Variants in CFAP77 observed in about 807,000 individuals in gnomAD.
CFAP77 encodes the protein cilia and flagella associated protein 77, also known as cilia- and flagella-associated protein 77.
A neutral mutation model predicts 31.1 loss-of-function variants in CFAP77; 25 were observed. The ratio of observed to expected loss-of-function variants is 0.80; its 90% confidence interval spans 0.59 to 1.12. The LOEUF is 1.12. Ranked by LOEUF, CFAP77 falls within the 50% of genes most tolerant of loss-of-function variation. The pLI, the probability that CFAP77 is intolerant of heterozygous loss-of-function variation, is 0.00. For missense variants in CFAP77, 377 were observed against 397.3 expected (o/e 0.95, Z 0.44); for synonymous variants, 151 against 159.9 (o/e 0.94, Z 0.42).
chr9:132,529,650 C>T (rs1238806778), intron 3 of CFAP77, among the ~76,000 whole-genome samples: 4 of 151,632 alleles, frequency 2.6e-5, no homozygotes, highest in Non-Finnish European at 5.9e-5. Context: ...CACGGTGAAA[C>T]CCCGTCTCTA....
chr9:132,537,552 C>T lies in CFAP77; in HGVS notation c.525-49C>T, dbSNP rs373037326. ...GGGGCGGGCGGTGGGGAGCGGGTGC[C>T]TCTGGTCTTTCCGGGGCCTCAAGCT... On this transcript the variant is annotated intron_variant, in intron 3 of 5. Coordinates refer to ENST00000393216, the MANE Select transcript of CFAP77 (RefSeq NM_001282957.2). 198 of 1,458,286 alleles carry T rather than the reference C, an allele frequency of 1.4e-4. 1 individual carries two copies. The highest frequency in any genetic ancestry group is 1.7e-4 in the Non-Finnish European group (182 of 1,054,974). 90.3% of individuals were successfully genotyped at this position (1,458,286 alleles called of 1,614,324 possible).
chr9:132,423,028 C>T (rs149579646), intron 1 of CFAP77, among the ~76,000 whole-genome samples: 1 of 152,358 alleles, frequency 6.6e-6, no homozygotes, highest in African/African-American at 2.4e-5. Context: ...TCAAGGGAAC[C>T]TGCTGGAGCA....
chr9:132,520,815 C>T (rs1041486040), intron 3 of CFAP77, among the ~76,000 whole-genome samples: 2 of 152,194 alleles, frequency 1.3e-5, no homozygotes, highest in Non-Finnish European at 2.9e-5. Flanking sequence ...TCCCCAGACA[C>T]TGGCGCAGGG....
chr9:132,562,219 T>A (rs1371595105), intron 5 of CFAP77, among the ~76,000 whole-genome samples: 1 of 152,220 alleles, frequency 6.6e-6, no homozygotes, highest in African/African-American at 2.4e-5. Context: ...AGGCCCTCCC[T>A]CACCCCAGGT....
intron 1 of CFAP77, among the ~76,000 whole-genome samples, chr9:132,410,873 C>T (rs1463351342): frequency 6.6e-6 from 1 of 152,196 alleles, no homozygotes; most frequent in Non-Finnish European, 1.5e-5. Context: ...GTAAAGGCCG[C>T]CTCTCCGGTT....
At chr9:132,465,073 C>CAAAAAAAAAAAAAAAAAA (rs773917029) in intron 1 of CFAP77, among the ~76,000 whole-genome samples, 1 of 82,858 alleles carries the variant, frequency 1.2e-5, no homozygotes, top group African/African-American at 4.1e-5. Flanking sequence ...GACTCTGTCT[C>CAAAAAAAAAAAAAAAAAA]AAAAAAAAAA....
At chr9:132,562,057 G>A (rs1039258141) in intron 5 of CFAP77, among the ~76,000 whole-genome samples, 6 of 152,222 alleles carry the variant, frequency 3.9e-5, no homozygotes, top group African/African-American at 1.2e-4. Context: ...AGGGGCCATC[G>A]GGAAGTCACA....
Position 132,499,559 on chromosome 9 carries a change from G to T in CFAP77, c.483G>T (p.Pro161=), listed in dbSNP as rs149706600. ...ATGACCGGCGCATGAAGAAAGAGCC[G>T]CCCCCTCTCCCTCCAAACATGACAT... The part of the protein sequence containing the change: ...DQDDRRMKKE[P]PPLPPNMTFG... The change falls in exon 3 of 6, where the codon CCG becomes CCT. Residue 161 remains proline, a synonymous_variant. Coordinates refer to ENST00000393216, the MANE Select transcript of CFAP77 (RefSeq NM_001282957.2). The surrounding 1 kb of genome is among the most constrained non-coding windows in gnomAD (Gnocchi z 5.4). The T allele has an allele frequency of 6.8e-6, 11 of 1,614,194 alleles. No homozygotes were observed. In the East Asian group the frequency reaches 2.0e-4, roughly 29 times the overall value.
At chr9:132,429,616 G>A (rs1382413706) in intron 1 of CFAP77, among the ~76,000 whole-genome samples, 2 of 151,042 alleles carry the variant, frequency 1.3e-5, no homozygotes, top group African/African-American at 2.4e-5. Flanking sequence ...AGGCCAAGGC[G>A]GGTGGATCAC....
In CFAP77 at chr9:132,539,788, C is replaced by T. The variant is rs998207990; in HGVS notation, c.630+2082C>T. Reference sequence around the variant, plus strand: ...GTAATAACATTTTAAGAGCAACCCACGACTAGTTTATTCGTTAATGGCTCA... The same window carrying T: ...GTAATAACATTTTAAGAGCAACCCATGACTAGTTTATTCGTTAATGGCTCA... On this transcript the variant is annotated intron_variant, in intron 4 of 5. Transcript: ENST00000393216. This position sits in a 1 kb window ranked among gnomAD's most constrained non-coding sequence, Gnocchi z 4.3. 4.6e-5 allele frequency among the ~76,000 whole-genome samples: 7 copies of T among 152,302 alleles called. No individual in the cohort carries two copies. The highest frequency in any genetic ancestry group is 2.0e-4 in the Admixed American group (3 of 15,296).
rs529511574 is a variant in CFAP77 at position 132,457,909 on chromosome 9, T to G, written c.196-40786T>G. 2.6e-5 allele frequency among the ~76,000 whole-genome samples: 4 copies of G among 152,328 alleles called. No homozygotes were observed. In the East Asian group the frequency reaches 7.7e-4, roughly 29 times the overall value. On this transcript the variant is annotated intron_variant, in intron 1 of 5. Coordinates refer to ENST00000393216, the MANE Select transcript of CFAP77 (RefSeq NM_001282957.2). Reference sequence around the variant, plus strand: ...ACCCCTTTCCCTCCCTGAAACCCTCTGCACATTTGGATTGACTTAATTAAT... The same window carrying G: ...ACCCCTTTCCCTCCCTGAAACCCTCGGCACATTTGGATTGACTTAATTAAT...
chr9:132,486,313 C>G (rs1043461967), intron 1 of CFAP77, among the ~76,000 whole-genome samples: 1 of 150,924 alleles, frequency 6.6e-6, no homozygotes, highest in African/African-American at 2.4e-5. Flanking sequence ...AGGATGGTCT[C>G]GATCTCCAGA....
intron 1 of CFAP77, among the ~76,000 whole-genome samples, chr9:132,446,463 G>A (rs1006632273): frequency 7.9e-5 from 12 of 152,038 alleles, no homozygotes; most frequent in Non-Finnish European, 1.2e-4. Context: ...TCTCAAGGTC[G>A]GGCGTGGTGG....
intron 3 of CFAP77, among the ~76,000 whole-genome samples, chr9:132,530,895 T>G (rs1027687727): frequency 6.6e-6 from 1 of 152,214 alleles, no homozygotes; most frequent in Non-Finnish European, 1.5e-5. Flanking sequence ...AGAAGTTGTA[T>G]AGTTTAATGT....
intron 3 of CFAP77, among the ~76,000 whole-genome samples, chr9:132,519,344 G>GATGGATGGGTGGGTGGC (rs1852206729): frequency 4.1e-4 from 1 of 2,430 alleles, no homozygotes; most frequent in African/African-American, 1.4e-3. Flanking sequence ...GGATGGGTGG[G>GATGGATGGGTGGGTGGC]TGGGCAAGTG....
Position 132,486,018 on chromosome 9 carries a change from ATATATATATATATATATATATATG to A in CFAP77, c.196-12673_196-12650del, listed in dbSNP as rs1481743426. Among the ~76,000 whole-genome samples the A allele has an allele frequency of 9.1e-4, 34 of 37,530 alleles. 1 individual carries two copies. Among genetic ancestry groups the A allele is most frequent in the African/African-American group, 7.9e-3 (28 of 3,524 alleles). 24.6% of individuals were successfully genotyped at this position (37,530 alleles called of 152,430 possible). On this transcript the variant is annotated intron_variant, in intron 1 of 5. Transcript: ENST00000393216. ...TATATATATATATATATATATATAT[ATATATATATATATATATATATATG>A]TATGTATATGTATGTGTGTGTGTGT...
rs1469115399 is a variant in CFAP77, at chr9:132,523,122, CTG to C, written c.525-14477_525-14476del. 1.3e-5 allele frequency among the ~76,000 whole-genome samples: 2 copies of C among 148,814 alleles called. 1 individual carries two copies. On this transcript the variant is annotated intron_variant, in intron 3 of 5. Transcript: ENST00000393216. ...TTTTTTTTTGAGACAGGGTTTCACT[CTG>C]TTGTCCAGGCTGGAGTGCAGTGGCA...
At chr9:132,443,951 T>A (rs1850662243) in intron 1 of CFAP77, among the ~76,000 whole-genome samples, 1 of 152,250 alleles carries the variant, frequency 6.6e-6, no homozygotes, top group African/African-American at 2.4e-5. Flanking sequence ...AATCAACCGT[T>A]GAGTTCACAC....
Position 132,522,061 on chromosome 9 carries a change from C to T in CFAP77, c.525-15540C>T, listed in dbSNP as rs1446642347. Among the ~76,000 whole-genome samples, 14 of 152,088 alleles carry T rather than the reference C, an allele frequency of 9.2e-5. 1 individual carries two copies. Among genetic ancestry groups the T allele is most frequent in the Admixed American group, 7.9e-4 (12 of 15,258 alleles). On this transcript the variant is annotated intron_variant, in intron 3 of 5. Transcript: ENST00000393216. Reference sequence around the variant, plus strand: ...ACAGGCGTGAGCCACTACACCCGGCCCCAGACTTGCATTTTTTTAAAAAGC... The same window carrying T: ...ACAGGCGTGAGCCACTACACCCGGCTCCAGACTTGCATTTTTTTAAAAAGC...
Sources: gnomAD v4.1 joint callset for allele counts (sites outside exome capture counted in the v4.1 genomes callset) on GRCh38, gnomAD v4.1.1 for gene constraint, Gnocchi (gnomAD v3.1) non-coding constraint, MANE v1.5 for transcripts, NCBI Gene and HGNC (gene_info 2026-07-23, HGNC 2026-07-21) for gene names.